Variants in DEDD observed in about 807,000 individuals in gnomAD.
The protein encoded by DEDD is death effector domain-containing protein.
In DEDD, 3 loss-of-function variants were observed where a neutral mutation model predicts 29.2. The ratio of observed to expected loss-of-function variants is 0.10; its 90% CI spans 0.05 to 0.27. DEDD has a LOEUF of 0.27. Among genes scored for constraint, DEDD ranks in the 10% least tolerant of loss-of-function variants. The probability of loss-of-function intolerance (pLI) is 1.00; values close to 1 mark genes in which losing one functional copy is unlikely to be tolerated. For missense variants in DEDD, 261 were observed against 420.5 expected (o/e 0.62, Z 3.32); for synonymous variants, 152 against 161.3 (o/e 0.94, Z 0.44).
chr1:161,131,656 G>C (rs917782672), intron 1 of DEDD, among the ~76,000 whole-genome samples: 1 of 152,210 alleles, frequency 6.6e-6, no homozygotes, highest in African/African-American at 2.4e-5. Context: ...AAAAACAAGG[G>C]AACAGTAAGC....
chr1:161,124,696 T>C, intron 2 of DEDD, 170 bp from the exon 3 acceptor site: 1 of 860,568 alleles, frequency 1.2e-6, no homozygotes, highest in Non-Finnish European at 1.6e-6. Context: ...GCACAGGGGC[T>C]CACACCTGTA....
In DEDD at chr1:161,123,190, G is replaced by T. The variant is rs748205290; in HGVS notation, c.465C>A (p.Pro155=). 6 of 1,614,174 alleles carry T rather than the reference G, an allele frequency of 3.7e-6. No individual in the cohort carries two copies. Among genetic ancestry groups the T allele is most frequent in the Non-Finnish European group, 5.1e-6 (6 of 1,180,030 alleles). The change falls in exon 5 of 6, where the codon CCC becomes CCA. Residue 155 remains proline (P), a synonymous_variant. Coordinates refer to ENST00000368006, the MANE Select transcript of DEDD (RefSeq NM_032998.3). Reference sequence around the variant, plus strand: ...TGCTACACATCTGAGGACCCGAAGTGGGGCAACACACCACAGGATAGTGGG... The same window carrying T: ...TGCTACACATCTGAGGACCCGAAGTTGGGCAACACACCACAGGATAGTGGG... The part of the protein sequence containing the change: ...VPPHYPVVCC[P]TSGPQMCSKR...
At chr1:161,125,227 AGTT>A (rs1167430897) in intron 2 of DEDD, 2 of 152,222 alleles carry the variant, frequency 1.3e-5, no homozygotes, top group Non-Finnish European at 2.9e-5. Context: ...TACACCTCAG[AGTT>A]GTTAAGAATC....
chr1:161,128,426 C>T (rs1242195426), intron 2 of DEDD, among the ~76,000 whole-genome samples: 1 of 152,112 alleles, frequency 6.6e-6, no homozygotes, highest in Admixed American at 6.6e-5. Flanking sequence ...CATGGTGAAA[C>T]CCCATCTCTA....
At chr1:161,129,336 T>C (rs140130274) in intron 2 of DEDD, among the ~76,000 whole-genome samples, 3 of 152,234 alleles carry the variant, frequency 2.0e-5, no homozygotes, top group Non-Finnish European at 4.4e-5. Context: ...GGCTCACACT[T>C]GTAATCTCAA....
intron 4 of DEDD, 24 bp from the exon 5 acceptor site, chr1:161,123,245 A>G (rs1197946847): frequency 1.2e-6 from 2 of 1,604,020 alleles, no homozygotes; most frequent in Admixed American, 3.3e-5. Context: ...AAAAGGGAAG[A>G]AAACACAGTA....
At chr1:161,131,924 T>C (rs950464291) in intron 1 of DEDD, among the ~76,000 whole-genome samples, 8 of 151,816 alleles carry the variant, frequency 5.3e-5, no homozygotes, top group African/African-American at 1.9e-4. Flanking sequence ...CCAAACTTTC[T>C]TCCTCCCAGT....
In DEDD at chr1:161,123,184, C is replaced by T. The variant is rs1441569513; in HGVS notation, c.471G>A (p.Ser157=). The T allele has an allele frequency of 5.0e-6, 8 of 1,614,012 alleles. No individual in the cohort carries two copies. The highest frequency in any genetic ancestry group is 5.9e-6 in the Non-Finnish European group (7 of 1,180,040). The change falls in exon 5 of 6, where the codon TCG becomes TCA. Residue 157 remains serine, a synonymous_variant. Coordinates refer to ENST00000368006, the MANE Select transcript of DEDD (RefSeq NM_032998.3). ...PHYPVVCCPT[S]GPQMCSKRPA... ...GCCGCTTGCTACACATCTGAGGACC[C>T]GAAGTGGGGCAACACACCACAGGAT...
rs1191569136 is a variant in DEDD, at chr1:161,121,098, A to T, written c.*1049T>A. 8.7e-7 allele frequency: 1 copy of T among 1,155,354 alleles called. No individual in the cohort carries two copies. The highest frequency in any genetic ancestry group is 1.1e-6 in the Non-Finnish European group (1 of 929,976). 71.6% of individuals were successfully genotyped at this position (1,155,354 alleles called of 1,614,324 possible). On this transcript the variant is annotated 3_prime_UTR_variant, in exon 6 of 6. Coordinates refer to ENST00000368006, the MANE Select transcript of DEDD (RefSeq NM_032998.3). ...CTGGACATCGCCTTTGGGAACTAGA[A>T]GGGGAGTTGGTATTGTACCAGCTGG... is the stretch of plus-strand genomic sequence containing the variant.
chr1:161,127,586 G>A (rs138385692), intron 2 of DEDD, among the ~76,000 whole-genome samples: 4 of 152,300 alleles, frequency 2.6e-5, no homozygotes, highest in African/African-American at 4.8e-5. Flanking sequence ...ATGTAGACAG[G>A]AAATGTAATC....
Position 161,123,881 on chromosome 1 carries a change from G to A in DEDD, c.391C>T (p.Leu131Phe), listed in dbSNP as rs933198992. The A allele has an allele frequency of 1.2e-6, 2 of 1,614,042 alleles. No homozygotes were observed. Among genetic ancestry groups the A allele is most frequent in the Admixed American group, 3.3e-5 (2 of 60,004 alleles). Residue 131 changes from leucine (L) to phenylalanine (F), a missense_variant, in exon 4 of 6, where the codon CTC (leucine) becomes TTC (phenylalanine). Around this residue, in one of 2 missense-constraint regions of DEDD, gnomAD observed 203 missense variants for 268.7 expected, o/e 0.76. Transcript: ENST00000368006. ...TSIRYVTPRALSDPEPRPPQP... is the reference protein window; with the variant it reads ...TSIRYVTPRAFSDPEPRPPQP... ...GGAGGCCTTGGTTCTGGATCACTGAGGGCTCTGGGGGTCACATAGCGAATT... is the reference window on the plus strand; with the variant it reads ...GGAGGCCTTGGTTCTGGATCACTGAAGGCTCTGGGGGTCACATAGCGAATT...
In DEDD at chr1:161,132,645, G is replaced by A; in HGVS notation, c.-192C>T. ...CCGCATCCGGGCTCCAGCAGCCGCC[G>A]CCGCCGCCGCCGCCGCGGCCGTGGG... On this transcript the variant is annotated 5_prime_UTR_variant, in exon 1 of 6. Coordinates refer to ENST00000368006, the MANE Select transcript of DEDD (RefSeq NM_032998.3). 6.0e-6 allele frequency: 1 copy of A among 165,948 alleles called. No individual in the cohort carries two copies. Among genetic ancestry groups the A allele is most frequent in the Non-Finnish European group, 1.3e-5 (1 of 79,164 alleles). The allele number at this position is 165,948 out of a possible 1,614,324, so 10.3% of individuals were successfully genotyped here. A position where few individuals can be genotyped will look rare whatever the true frequency, so the allele number is the denominator to read the frequency against.
intron 2 of DEDD, among the ~76,000 whole-genome samples, chr1:161,127,349 T>A (rs1656281113): frequency 6.6e-6 from 1 of 152,244 alleles, no homozygotes; most frequent in African/African-American, 2.4e-5. Flanking sequence ...TTAAACAGGT[T>A]GCTCTGTCCA....
chr1:161,126,514 T>C (rs1241205873), intron 2 of DEDD, among the ~76,000 whole-genome samples: 3 of 151,980 alleles, frequency 2.0e-5, no homozygotes, highest in Admixed American at 6.6e-5. Flanking sequence ...CAGCTACTTT[T>C]TGTATTTTTA....
At position 161,122,001 on chromosome 1, in the gene DEDD, C is replaced by T. The variant is rs1360348779; in HGVS notation, c.*146G>A. On this transcript the variant is annotated 3_prime_UTR_variant, in exon 6 of 6. Transcript: ENST00000368006. The surrounding 1 kb of genome is among the most constrained non-coding windows in gnomAD (Gnocchi z 4.2). ...CAGGGAGGGGTGGGGAATACCACTT[C>T]CACTTTCTTTTGTCTTTTTCTTTAA... 5 of 1,115,204 alleles carry T rather than the reference C, an allele frequency of 4.5e-6. No individual in the cohort carries two copies. The Admixed American group carries it at 9.5e-5, about 21-fold the overall frequency. The allele number at this position is 1,115,204 out of a possible 1,614,324, so 69.1% of individuals were successfully genotyped here.
At position 161,121,125 on chromosome 1, in the gene DEDD, C is replaced by T; in HGVS notation, c.*1022G>A. 1 of 1,106,676 alleles carries T rather than the reference C, an allele frequency of 9.0e-7. No homozygotes were observed. The highest frequency in any genetic ancestry group is 1.1e-6 in the Non-Finnish European group (1 of 901,608). 68.6% of individuals were successfully genotyped at this position (1,106,676 alleles called of 1,614,324 possible). On this transcript the variant is annotated 3_prime_UTR_variant, in exon 6 of 6. Transcript: ENST00000368006. ...GGGAGTTGGTATTGTACCAGCTGGACTAAGCTCCAGTTCTAGACCTCCTGG... is the reference window on the plus strand; with the variant it reads ...GGGAGTTGGTATTGTACCAGCTGGATTAAGCTCCAGTTCTAGACCTCCTGG...
At position 161,123,176 on chromosome 1, in the gene DEDD, T is replaced by C; in HGVS notation, c.479A>G (p.Gln160Arg). Residue 160 changes from glutamine to arginine, a missense_variant, in exon 5 of 6, where the codon CAG becomes CGG. Transcript: ENST00000368006. ...TCGGGCTGGCCGCTTGCTACACATC[T>C]GAGGACCCGAAGTGGGGCAACACAC... Reference protein sequence around the residue: ...PVVCCPTSGPQMCSKRPARGR... With the variant: ...PVVCCPTSGPRMCSKRPARGR... 1.2e-6 allele frequency: 2 copies of C among 1,614,122 alleles called. No homozygotes were observed. Among genetic ancestry groups the C allele is most frequent in the Non-Finnish European group, 1.7e-6 (2 of 1,180,028 alleles).
At chr1:161,126,219 A>G (rs941419173) in intron 2 of DEDD, among the ~76,000 whole-genome samples, 1 of 151,880 alleles carries the variant, frequency 6.6e-6, no homozygotes, top group Non-Finnish European at 1.5e-5. Flanking sequence ...ATCTTAACCT[A>G]CCTAAATCCA....
chr1:161,122,913 A>G lies in DEDD; in HGVS notation c.580+162T>C, dbSNP rs1035266837. 3 of 1,331,866 alleles carry G rather than the reference A, an allele frequency of 2.3e-6. No individual in the cohort carries two copies. The highest frequency in any genetic ancestry group is 3.2e-6 in the Non-Finnish European group (3 of 929,946). 82.5% of individuals were successfully genotyped at this position (1,331,866 alleles called of 1,614,324 possible). On this transcript the variant is annotated intron_variant, in intron 5 of 5. Transcript: ENST00000368006. The surrounding 1 kb of genome is among the most constrained non-coding windows in gnomAD (Gnocchi z 4.2). ...TTGAAATGTACCCTGCCACAATCAT[A>G]AAGAGCAGTTCTTCCACCAGACACC...
Sources: gnomAD v4.1 joint callset for allele counts (sites outside exome capture counted in the v4.1 genomes callset) on GRCh38, gnomAD v4.1.1 for gene constraint, gnomAD v4.1.1 regional missense constraint, Gnocchi (gnomAD v3.1) non-coding constraint, MANE v1.5 for transcripts, NCBI Gene and HGNC (gene_info 2026-07-23, HGNC 2026-07-21) for gene names.